PRDM5: variants seen among roughly 807,000 people sequenced by gnomAD.
PRDM5 encodes PR domain zinc finger protein 5.
PRDM5 carries 56 observed loss-of-function variants against 81.2 expected under a neutral mutation model. That is an observed-to-expected ratio of 0.69 (90% CI 0.56 to 0.86). PRDM5 has a LOEUF of 0.86. Among genes scored for constraint, PRDM5 ranks in the 40% least tolerant of loss-of-function variants. PRDM5 has a pLI of 0.00. For missense variants in PRDM5, 697 were observed against 770.1 expected (o/e 0.91, Z 1.12); for synonymous variants, 267 against 256.4 (o/e 1.04, Z -0.39).
downstream of PRDM5, among the ~76,000 whole-genome samples, chr4:120,690,396 G>A (rs1733994391): frequency 6.6e-6 from 1 of 152,130 alleles, no homozygotes; most frequent in Non-Finnish European, 1.5e-5. Flanking sequence ...GGCAAGATGA[G>A]ACAGTGAGAA....
chr4:120,782,818 TA>T (rs939424816), intron 11 of PRDM5, among the ~76,000 whole-genome samples: 1 of 152,108 alleles, frequency 6.6e-6, no homozygotes, highest in Non-Finnish European at 1.5e-5. Flanking sequence ...GAGATCTTTT[TA>T]AAAAAACCTC....
At chr4:120,859,818 C>T (rs960122715) in intron 2 of PRDM5, among the ~76,000 whole-genome samples, 1 of 152,128 alleles carries the variant, frequency 6.6e-6, no homozygotes, top group Admixed American at 6.5e-5. Flanking sequence ...AAGAATCCCT[C>T]CCTCTCTACG....
intron 15 of PRDM5, among the ~76,000 whole-genome samples, chr4:120,703,564 T>A (rs771589406): frequency 1.3e-5 from 2 of 152,146 alleles, no homozygotes; most frequent in Non-Finnish European, 2.9e-5. Flanking sequence ...CTTCTACTAT[T>A]TCATCCCAGT....
intron 1 of PRDM5, among the ~76,000 whole-genome samples, chr4:120,686,551 C>T (rs1425638465): frequency 1.3e-5 from 2 of 151,888 alleles, no homozygotes; most frequent in Non-Finnish European, 2.9e-5. Flanking sequence ...GACATTTGTG[C>T]ATTTGCAATA....
In PRDM5 at chr4:120,867,736, G is replaced by T. The variant is rs547458323; in HGVS notation, c.178-14196C>A. Reference sequence around the variant, plus strand: ...TCCCCAAGGGAGTGTTTTTAATTTTGCAACAAACTACCCTTTAAAATAAGT... The same window carrying T: ...TCCCCAAGGGAGTGTTTTTAATTTTTCAACAAACTACCCTTTAAAATAAGT... On this transcript the variant is annotated intron_variant, in intron 2 of 15. Transcript: ENST00000264808. 3.2e-4 allele frequency among the ~76,000 whole-genome samples: 49 copies of T among 152,246 alleles called. No individual in the cohort carries two copies. In the South Asian group the frequency reaches 1.0e-2, roughly 31 times the overall value.
At chr4:120,917,517 C>T (rs1026015343) in intron 1 of PRDM5, among the ~76,000 whole-genome samples, 5 of 151,930 alleles carry the variant, frequency 3.3e-5, no homozygotes, top group South Asian at 2.1e-4. Context: ...ACTGCAAGCT[C>T]CCCAAGAGCC....
At chr4:120,845,836 G>A (rs1758592578) in intron 3 of PRDM5, among the ~76,000 whole-genome samples, 1 of 152,230 alleles carries the variant, frequency 6.6e-6, no homozygotes, top group Non-Finnish European at 1.5e-5. Flanking sequence ...ATGCCATTAA[G>A]AACATGTGTG....
intron 2 of PRDM5, among the ~76,000 whole-genome samples, chr4:120,891,353 G>A (rs993451080): frequency 5.9e-5 from 9 of 151,968 alleles, no homozygotes; most frequent in Non-Finnish European, 1.3e-4. Context: ...AGGGTTTTTT[G>A]TGTTTCTGTG....
chr4:120,881,814 T>C (rs542187395), intron 2 of PRDM5, among the ~76,000 whole-genome samples: 10 of 152,352 alleles, frequency 6.6e-5, no homozygotes, highest in African/African-American at 2.2e-4. Flanking sequence ...TCTTCCTTAT[T>C]GTTGGAAAGG....
In PRDM5 at chr4:120,757,314, C is replaced by T. The variant is rs1218459554; in HGVS notation, c.1538-2676G>A. Among the ~76,000 whole-genome samples, 20 of 152,180 alleles carry T rather than the reference C, an allele frequency of 1.3e-4. 1 individual carries two copies. Among genetic ancestry groups the T allele is most frequent in the Admixed American group, 1.3e-3 (20 of 15,274 alleles). ...AGTTTGAATACTGTTCATCCTCCAT[C>T]CAGCTGTAACTCTGACAAGGTCATC... On this transcript the variant is annotated intron_variant, in intron 13 of 15. Coordinates refer to ENST00000264808, the MANE Select transcript of PRDM5 (RefSeq NM_018699.4).
chr4:120,821,155 A>G lies in PRDM5; in HGVS notation c.475+16T>C, dbSNP rs750178242. On this transcript the variant is annotated intron_variant, in intron 4 of 15. Transcript: ENST00000264808. ...CAACTTTTCTTCTCCCAGATCACCA[A>G]TTAAAGATGCAATACCTTTTCTGCC... is the stretch of plus-strand genomic sequence containing the variant. 3.5e-5 allele frequency: 57 copies of G among 1,612,650 alleles called. No homozygotes were observed. In the East Asian group the frequency reaches 1.0e-3, roughly 30 times the overall value.
chr4:120,821,120 C>A (rs753803164), intron 4 of PRDM5, 51 bp downstream of exon 4: 1 of 1,585,458 alleles, frequency 6.3e-7, no homozygotes, highest in Non-Finnish European at 8.7e-7. Context: ...TTAAACTACA[C>A]TTTTTTCTAC....
chr4:120,790,880 C>T (rs1332828995), intron 10 of PRDM5, among the ~76,000 whole-genome samples: 1 of 151,956 alleles, frequency 6.6e-6, no homozygotes, highest in Non-Finnish European at 1.5e-5. Context: ...GAGGTGGAGG[C>T]TGCAGTGAGT....
intron 2 of PRDM5, chr4:120,896,338 C>A (rs547571838): frequency 4.0e-5 from 6 of 151,882 alleles, no homozygotes; most frequent in South Asian, 4.2e-4. Flanking sequence ...AAATTTGTTG[C>A]GAGGAACTTT....
Position 120,695,108 on chromosome 4 carries a change from CT to C in PRDM5, c.*2del. ...GAATAGTTTAATTCCTTTACAGCCC[CT>C]ATTAGCTGTCAGCTACACCATGGAT... On this transcript the variant is annotated 3_prime_UTR_variant, in exon 16 of 16. Transcript: ENST00000264808. 1 of 1,611,640 alleles carries C rather than the reference CT, an allele frequency of 6.2e-7. No individual in the cohort carries two copies. Among genetic ancestry groups the C allele is most frequent in the Non-Finnish European group, 8.5e-7 (1 of 1,177,954 alleles).
rs767248981 is a variant in PRDM5 at position 120,777,262 on chromosome 4, T to A, written c.1463A>T (p.Glu488Val). ...CTGGCCACAATATGGACAGATTTTCTCCTTTTCTCCTGTATGTGTCTAAAA... is the reference window on the plus strand; with the variant it reads ...CTGGCCACAATATGGACAGATTTTCACCTTTTCTCCTGTATGTGTCTAAAA... ...SHKKTHTGEK[E>V]KICPYCGQKF... Residue 488 changes from glutamate to valine, a missense_variant, in exon 13 of 16, where the codon GAG (glutamate) becomes GTG (valine). Physicochemically the swap from Glu to Val is moderately radical, Grantham distance 121 (BLOSUM62 -2). Coordinates refer to ENST00000264808, the MANE Select transcript of PRDM5 (RefSeq NM_018699.4). 1.2e-6 allele frequency: 2 copies of A among 1,613,438 alleles called. No homozygotes were observed. Among genetic ancestry groups the A allele is most frequent in the Admixed American group, 3.3e-5 (2 of 59,966 alleles).
intron 2 of PRDM5, among the ~76,000 whole-genome samples, chr4:120,859,984 C>T (rs1406243799): frequency 1.3e-5 from 2 of 152,186 alleles, no homozygotes; most frequent in Non-Finnish European, 2.9e-5. Context: ...GACCTCTGAC[C>T]TAGGCACTCT....
At chr4:120,869,615 T>C (rs1055563838) in intron 2 of PRDM5, among the ~76,000 whole-genome samples, 4 of 152,172 alleles carry the variant, frequency 2.6e-5, no homozygotes, top group African/African-American at 9.7e-5. Context: ...ACAAAAGGTC[T>C]TGGCAAACAT....
chr4:120,898,237 T>C (rs1451661716), intron 2 of PRDM5, among the ~76,000 whole-genome samples: 1 of 152,174 alleles, frequency 6.6e-6, no homozygotes, highest in Non-Finnish European at 1.5e-5. Flanking sequence ...AAGTATGGCA[T>C]GCACTGAAAG....
Sources: allele counts gnomAD v4.1 joint callset (sites outside exome capture counted in the v4.1 genomes callset), GRCh38; gene constraint gnomAD v4.1.1; transcripts MANE v1.5; gene names NCBI Gene and HGNC (gene_info 2026-07-23, HGNC 2026-07-21).